The following UCHL3 variants were observed in gnomAD, a reference collection of about 807,000 sequenced individuals.
The protein encoded by UCHL3 is ubiquitin carboxyl-terminal hydrolase isozyme L3.
Under a neutral mutation model 35.8 loss-of-function variants are expected in UCHL3, and 22 were observed. The observed-to-expected ratio is 0.61, with a 90% confidence interval of 0.44 to 0.88. UCHL3 has a LOEUF of 0.88. Ranked by LOEUF, UCHL3 falls within the 40% of genes least tolerant of loss-of-function variation. The probability of loss-of-function intolerance (pLI) is 0.00; values close to 1 mark genes in which losing one functional copy is unlikely to be tolerated. For synonymous variants in UCHL3, 90 were observed against 92.8 expected (o/e 0.97, Z 0.17); for missense variants, 229 against 276.9 (o/e 0.83, Z 1.23).
chr13:75,586,880 G>T (rs4885321), intron 6 of UCHL3, among the ~76,000 whole-genome samples: 70,708 of 151,386 alleles, frequency 0.47, 17,349 homozygotes, highest in East Asian at 0.63. Flanking sequence ...GGGTTGGAGA[G>T]AAATCTATAG....
At chr13:75,572,662 A>G (rs2031898103) in intron 6 of UCHL3, among the ~76,000 whole-genome samples, 1 of 152,220 alleles carries the variant, frequency 6.6e-6, no homozygotes, top group Non-Finnish European at 1.5e-5. Flanking sequence ...AGTGTAAGAA[A>G]TAAAAAAAAG....
At position 75,594,986 on chromosome 13, in the gene UCHL3, A is replaced by G; in HGVS notation, c.546A>G (p.Glu182=). Residue 182 remains glutamate, a synonymous_variant, in exon 7 of 9, where the codon GAA becomes GAG. Transcript: ENST00000377595. ...TTCATGTAGATGGGCATCTCTATGA[A>G]TTAGGTAAGAACTATTTTAATTTGT... ...ALVHVDGHLY[E]LDGRKPFPIN... The G allele has an allele frequency of 6.2e-7, 1 of 1,601,344 alleles. No individual in the cohort carries two copies.
At chr13:75,605,614 GA>G in intron 8 of UCHL3, 114 bp from the exon 9 acceptor site, 1 of 1,018,992 alleles carries the variant, frequency 9.8e-7, no homozygotes. Flanking sequence ...TTCTCATTTG[GA>G]AAAGGAAGTT....
At chr13:75,559,778 G>A (rs1404513708) in intron 2 of UCHL3, among the ~76,000 whole-genome samples, 1 of 152,142 alleles carries the variant, frequency 6.6e-6, no homozygotes, top group East Asian at 1.9e-4. Context: ...AAGATATAGT[G>A]ATGCATTTTT....
At chr13:75,554,991 G>A (rs774830695) in intron 2 of UCHL3, among the ~76,000 whole-genome samples, 6 of 152,096 alleles carry the variant, frequency 3.9e-5, no homozygotes, top group African/African-American at 1.2e-4. Context: ...GAGAACATGC[G>A]GTATTTGGTT....
In UCHL3 at chr13:75,605,741, G is replaced by A. The variant is rs2032925544; in HGVS notation, c.622G>A (p.Val208Ile). 6.2e-7 allele frequency: 1 copy of A among 1,613,488 alleles called. No individual in the cohort carries two copies. The highest frequency in any genetic ancestry group is 1.3e-5 in the African/African-American group (1 of 74,794). The part of the protein sequence containing the change: ...DETLLEDAIE[V>I]CKKFMERDPD... ...TTTTCCTCCATAGGATGCCATAGAA[G>A]TTTGCAAGAAGTTTATGGAGCGCGA... The change falls in exon 9 of 9, where the codon GTT becomes ATT. Residue 208 changes from valine to isoleucine, a missense_variant. Coordinates refer to ENST00000377595, the MANE Select transcript of UCHL3 (RefSeq NM_006002.5).
At chr13:75,555,147 G>C (rs750275759) in intron 2 of UCHL3, among the ~76,000 whole-genome samples, 1 of 152,140 alleles carries the variant, frequency 6.6e-6, no homozygotes, top group Non-Finnish European at 1.5e-5. Flanking sequence ...TCCTGCTTCA[G>C]AGTCTTTGCA....
chr13:75,567,343 G>A (rs1238160179), intron 5 of UCHL3, 31 bp downstream of exon 5: 1 of 1,596,294 alleles, frequency 6.3e-7, no homozygotes, highest in Non-Finnish European at 8.6e-7. Context: ...TTGATCTCAT[G>A]TGGGCAAAAG....
At chr13:75,555,848 C>T (rs2031278580) in intron 2 of UCHL3, among the ~76,000 whole-genome samples, 1 of 152,156 alleles carries the variant, frequency 6.6e-6, no homozygotes, top group Non-Finnish European at 1.5e-5. Context: ...CCACCTCAGC[C>T]TCCTGAGTAG....
intron 6 of UCHL3, among the ~76,000 whole-genome samples, chr13:75,570,316 A>C (rs1399662017): frequency 4.6e-5 from 7 of 151,970 alleles, no homozygotes; most frequent in Non-Finnish European, 4.4e-5. Flanking sequence ...GGCTTACTGC[A>C]AGCTCCGCCT....
upstream of UCHL3, chr13:75,549,505 C>T (rs7995889): frequency 0.49 from 175,181 of 359,254 alleles, 45,893 homozygotes; most frequent in East Asian, 0.66. Context: ...CGCGAGCGCT[C>T]GGCAAGGCTC....
intron 6 of UCHL3, among the ~76,000 whole-genome samples, chr13:75,572,029 A>T (rs79021024): frequency 8.1e-4 from 48 of 59,216 alleles, no homozygotes; most frequent in African/African-American, 3.6e-3. Flanking sequence ...TCTTGTCTTT[A>T]CTTTTCCTTC....
At chr13:75,580,028 C>T (rs1239097412) in intron 6 of UCHL3, among the ~76,000 whole-genome samples, 1 of 152,040 alleles carries the variant, frequency 6.6e-6, no homozygotes, top group Non-Finnish European at 1.5e-5. Context: ...GGAGAGAAAA[C>T]ATAATTGTTA....
intron 2 of UCHL3, among the ~76,000 whole-genome samples, chr13:75,555,760 A>C (rs1240903802): frequency 6.6e-6 from 1 of 152,190 alleles, no homozygotes; most frequent in Non-Finnish European, 1.5e-5. Context: ...TAAATTAAAA[A>C]AATTTATTTC....
chr13:75,597,828 G>A (rs979216327), intron 7 of UCHL3, among the ~76,000 whole-genome samples: 5 of 152,184 alleles, frequency 3.3e-5, no homozygotes, highest in South Asian at 2.1e-4. Flanking sequence ...ATTTAACAGA[G>A]AATGGTGGTA....
At chr13:75,565,521 T>C (rs1043414283) in intron 3 of UCHL3, among the ~76,000 whole-genome samples, 5 of 152,240 alleles carry the variant, frequency 3.3e-5, no homozygotes, top group Non-Finnish European at 7.3e-5. Flanking sequence ...TTGTTTCTTT[T>C]ATTGCAGGGG....
upstream of UCHL3, chr13:75,549,565 T>G: frequency 2.2e-6 from 1 of 457,510 alleles, no homozygotes; most frequent in Non-Finnish European, 3.8e-6. Flanking sequence ...ATTCAGATAC[T>G]GTTTTTCTCC....
intron 6 of UCHL3, among the ~76,000 whole-genome samples, chr13:75,582,930 T>C (rs2032224869): frequency 1.3e-5 from 2 of 152,232 alleles, no homozygotes; most frequent in African/African-American, 4.8e-5. Context: ...AAAGTCTTTT[T>C]CTGAATTAGA....
chr13:75,595,572 G>C (rs796242160), intron 7 of UCHL3, among the ~76,000 whole-genome samples: 2 of 118,198 alleles, frequency 1.7e-5, no homozygotes, highest in East Asian at 2.9e-4. Context: ...ACTCCAGCCG[G>C]GGCAACAGGA....
Sources: allele counts gnomAD v4.1 joint callset (sites outside exome capture counted in the v4.1 genomes callset), GRCh38; gene constraint gnomAD v4.1.1; transcripts MANE v1.5; gene names NCBI Gene and HGNC (gene_info 2026-07-23, HGNC 2026-07-21).